The following ANO2 variants were observed in gnomAD, a reference collection of about 807,000 sequenced individuals.
The protein encoded by ANO2 is anoctamin 2.
ANO2 carries 101 observed loss-of-function variants against 124.2 expected under a neutral mutation model. The ratio of observed to expected loss-of-function variants is 0.81; its 90% confidence interval spans 0.69 to 0.96. The LOEUF is 0.96. Ranked by LOEUF, ANO2 falls within the 40% of genes least tolerant of loss-of-function variation. ANO2 has a pLI of 0.00. For synonymous variants in ANO2, 486 were observed against 482.5 expected, an observed-to-expected ratio of 1.01 and a Z score of -0.09; for missense variants, 1,293 against 1,274.5, an observed-to-expected ratio of 1.01 and a Z score of -0.22.
At chr12:5,750,740 CT>C (rs71582872) in intron 11 of ANO2, 95 bp downstream of exon 11, 211 of 1,291,918 alleles carry the variant, frequency 1.6e-4, no homozygotes, top group Non-Finnish European at 2.2e-4. Context: ...AGGGTGAGGG[CT>C]TTGGAAAGAG....
At chr12:5,692,146 C>T (rs906957750) in intron 14 of ANO2, among the ~76,000 whole-genome samples, 26 of 152,100 alleles carry the variant, frequency 1.7e-4, no homozygotes, top group African/African-American at 6.0e-4. Flanking sequence ...TGATGCAATA[C>T]CCCTGGCAAG....
intron 4 of ANO2, among the ~76,000 whole-genome samples, chr12:5,842,751 C>T (rs1446565277): frequency 6.6e-6 from 1 of 152,170 alleles, no homozygotes; most frequent in East Asian, 1.9e-4. Context: ...CACACTTGTC[C>T]ACTGAAAGGC....
chr12:5,869,887 A>G (rs1955525895), intron 3 of ANO2, among the ~76,000 whole-genome samples: 1 of 152,206 alleles, frequency 6.6e-6, no homozygotes, highest in African/African-American at 2.4e-5. Flanking sequence ...ACTCGTTCTC[A>G]GGAAACTTGA....
intron 16 of ANO2, among the ~76,000 whole-genome samples, chr12:5,630,492 C>A (rs932251583): frequency 6.6e-6 from 1 of 152,116 alleles, no homozygotes; most frequent in Non-Finnish European, 1.5e-5. Context: ...AGTCACTATC[C>A]CATTGTGTCA....
At position 5,900,503 on chromosome 12, in the gene ANO2, C is replaced by T. The variant is rs1240544127; in HGVS notation, c.534+20537G>A. Among the ~76,000 whole-genome samples, 1 of 152,092 alleles carries T rather than the reference C, an allele frequency of 6.6e-6. No individual in the cohort carries two copies. Among genetic ancestry groups the T allele is most frequent in the Non-Finnish European group, 1.5e-5 (1 of 68,030 alleles). ...AAATGAGACGCTAATTAAAGACTCT[C>T]AAAGGTCCCTTCCAACTCTTTCTGA... is the stretch of plus-strand genomic sequence containing the variant. On this transcript the variant is annotated intron_variant, in intron 3 of 24. Coordinates refer to ENST00000682330, the MANE Select transcript of ANO2 (RefSeq NM_001364791.2). This position sits in a 1 kb window ranked among gnomAD's most constrained non-coding sequence, Gnocchi z 4.2.
intron 9 of ANO2, among the ~76,000 whole-genome samples, chr12:5,805,382 G>C (rs973652674): frequency 1.4e-4 from 21 of 152,224 alleles, no homozygotes; most frequent in African/African-American, 5.1e-4. Flanking sequence ...CAGGAGGATG[G>C]CATAAGGGGA....
At chr12:5,821,144 A>G (rs1415326319) in intron 7 of ANO2, among the ~76,000 whole-genome samples, 1 of 152,252 alleles carries the variant, frequency 6.6e-6, no homozygotes, top group Non-Finnish European at 1.5e-5. Flanking sequence ...AAGAAGTAGC[A>G]AACACACCAG....
intron 16 of ANO2, among the ~76,000 whole-genome samples, chr12:5,633,936 C>T (rs1945867805): frequency 6.6e-6 from 1 of 152,164 alleles, no homozygotes; most frequent in Admixed American, 6.5e-5. Context: ...GCATGCCTGT[C>T]TGACTCTCAC....
rs955894123 is a variant in ANO2, at chr12:5,578,119, G to C, written c.2387-112C>G. The stretch of plus-strand genomic sequence containing the variant: ...GTGAACTACGGAGCAGCTTTGCTGG[G>C]CCCCCCCAGAATGGGCTTGTCTGGA... On this transcript the variant is annotated intron_variant, in intron 21 of 24. Transcript: ENST00000682330. 2.8e-4 allele frequency: 382 copies of C among 1,372,592 alleles called. 1 individual carries two copies. The highest frequency in any genetic ancestry group is 3.5e-4 in the Non-Finnish European group (350 of 992,544). The allele number at this position is 1,372,592 out of a possible 1,614,324, so 85.0% of individuals were successfully genotyped here.
At chr12:5,811,172 T>C (rs890482663) in intron 7 of ANO2, among the ~76,000 whole-genome samples, 2 of 152,174 alleles carry the variant, frequency 1.3e-5, no homozygotes, top group African/African-American at 4.8e-5. Context: ...AATGGTGCCA[T>C]ACTCCTGAAA....
intron 14 of ANO2, among the ~76,000 whole-genome samples, chr12:5,686,306 C>T (rs1282296434): frequency 6.6e-6 from 1 of 152,188 alleles, no homozygotes; most frequent in South Asian, 2.1e-4. Flanking sequence ...TTCTGTGGTG[C>T]TAACTAGATA....
At chr12:5,616,130 G>C (rs1292393952) in intron 16 of ANO2, among the ~76,000 whole-genome samples, 1 of 152,178 alleles carries the variant, frequency 6.6e-6, no homozygotes, top group Non-Finnish European at 1.5e-5. Flanking sequence ...CAAATGGCAT[G>C]ACAAGGACAA....
intron 3 of ANO2, among the ~76,000 whole-genome samples, chr12:5,895,766 G>A (rs1939739769): frequency 6.6e-6 from 1 of 151,520 alleles, no homozygotes; most frequent in Non-Finnish European, 1.5e-5. Flanking sequence ...ATTTGATCCA[G>A]CAATCCCACT....
At chr12:5,650,835 T>C (rs1946882513) in intron 14 of ANO2, among the ~76,000 whole-genome samples, 1 of 152,210 alleles carries the variant, frequency 6.6e-6, no homozygotes, top group Non-Finnish European at 1.5e-5. Flanking sequence ...TGTAAAATAA[T>C]TTATGTGCCC....
chr12:5,901,338 T>C (rs1013430761), intron 3 of ANO2, among the ~76,000 whole-genome samples: 2 of 152,178 alleles, frequency 1.3e-5, no homozygotes, highest in Non-Finnish European at 2.9e-5. Context: ...GCTGGATGCA[T>C]GGAGGTGATA....
intron 3 of ANO2, among the ~76,000 whole-genome samples, chr12:5,884,769 G>A (rs1038866701): frequency 1.3e-5 from 2 of 152,100 alleles, no homozygotes; most frequent in Admixed American, 1.3e-4. Flanking sequence ...ACAGAAAATG[G>A]ACCAAACAAA....
rs1565770263 is a variant in ANO2 at position 5,908,994 on chromosome 12, G to A, written c.534+12046C>T. ...TTTTGAGCAGAATGCATCATTACAC[G>A]CTGTAGGTCCACAAAATAGCAGAGC... On this transcript the variant is annotated intron_variant, in intron 3 of 24. Coordinates refer to ENST00000682330, the MANE Select transcript of ANO2 (RefSeq NM_001364791.2). The surrounding 1 kb of genome is among the most constrained non-coding windows in gnomAD (Gnocchi z 4.7). Among the ~76,000 whole-genome samples the A allele has an allele frequency of 1.3e-5, 2 of 152,166 alleles. No individual in the cohort carries two copies. Among genetic ancestry groups the A allele is most frequent in the Non-Finnish European group, 2.9e-5 (2 of 68,032 alleles).
chr12:5,840,503 GATT>G (rs952064502), intron 4 of ANO2, among the ~76,000 whole-genome samples: 5 of 152,086 alleles, frequency 3.3e-5, no homozygotes, highest in African/African-American at 1.2e-4. Flanking sequence ...CCATTTTACA[GATT>G]AAAAAACACT....
intron 14 of ANO2, among the ~76,000 whole-genome samples, chr12:5,665,993 A>T (rs984974320): frequency 2.6e-5 from 4 of 152,102 alleles, no homozygotes; most frequent in African/African-American, 9.7e-5. Flanking sequence ...TAGTGAACAA[A>T]ATGCACAGCT....
Sources: allele counts gnomAD v4.1 joint callset (sites outside exome capture counted in the v4.1 genomes callset), GRCh38; gene constraint gnomAD v4.1.1; non-coding constraint Gnocchi (gnomAD v3.1); transcripts MANE v1.5; gene names NCBI Gene and HGNC (gene_info 2026-07-23, HGNC 2026-07-21).